Variants in OLFM1 observed in about 807,000 individuals in gnomAD.
OLFM1 encodes the protein noelin.
A neutral mutation model predicts 49.7 loss-of-function variants in OLFM1; 9 were observed. That is an observed-to-expected ratio of 0.18 (90% CI 0.11 to 0.32). The LOEUF is 0.32. Ranked by LOEUF, OLFM1 falls within the 10% of genes least tolerant of loss-of-function variation. The pLI is 1.00. For synonymous variants in OLFM1, 240 were observed against 271.8 expected, an observed-to-expected ratio of 0.88 and a Z score of 1.15; for missense variants, 369 against 661.8, an observed-to-expected ratio of 0.56 and a Z score of 4.85.
intron 4 of OLFM1, among the ~76,000 whole-genome samples, chr9:135,100,434 G>A (rs1290161596): frequency 1.3e-5 from 2 of 152,208 alleles, no homozygotes; most frequent in Admixed American, 6.5e-5. Flanking sequence ...TAAAGAGAGA[G>A]GGTTAACAGG....
rs1830633797 is a variant in OLFM1, at chr9:135,088,537, G to T, written c.150+398G>T. Among the ~76,000 whole-genome samples the T allele has an allele frequency of 4.6e-5, 7 of 152,234 alleles. 1 individual carries two copies. In the South Asian group the frequency reaches 1.5e-3, roughly 32 times the overall value. On this transcript the variant is annotated intron_variant, in intron 1 of 5. Coordinates refer to ENST00000371793, the MANE Select transcript of OLFM1 (RefSeq NM_001282611.2). This position sits in a 1 kb window ranked among gnomAD's most constrained non-coding sequence, Gnocchi z 4.8. ...CCAAGGTCACACTCAGCGAGTGAGG[G>T]GTGGAGCCGCCGCTAGACCCTAGTC... is the stretch of plus-strand genomic sequence containing the variant.
intron 4 of OLFM1, among the ~76,000 whole-genome samples, chr9:135,104,884 G>A (rs1341007625): frequency 1.3e-5 from 2 of 152,232 alleles, no homozygotes; most frequent in Non-Finnish European, 2.9e-5. Flanking sequence ...GTTGCACTGG[G>A]GTGAAAATCT....
intron 2 of OLFM1, 30 bp downstream of exon 2, chr9:135,090,374 ATGTGTGTGTGTTTGTGTG>A (rs1564269854): frequency 7.4e-7 from 1 of 1,355,418 alleles, no homozygotes; most frequent in Non-Finnish European, 1.0e-6. Context: ...GTGAGTTTGT[ATGTGTGTGTGTTTGTGTG>A]TGTGTGTGTG....
In OLFM1 at chr9:135,119,849, A is replaced by G. The variant is rs1200557132; in HGVS notation, c.1129A>G (p.Ile377Val). The G allele has an allele frequency of 1.9e-6, 3 of 1,613,738 alleles. No homozygotes were observed. The highest frequency in any genetic ancestry group is 2.5e-6 in the Non-Finnish European group (3 of 1,180,028). Residue 377 changes from isoleucine to valine, a missense_variant, in exon 6 of 6, where the codon ATC becomes GTC. Coordinates refer to ENST00000371793, the MANE Select transcript of OLFM1 (RefSeq NM_001282611.2). ...CGCCACCAACCAGAACGCTGGCAAC[A>G]TCGTGGTCAGTAGGCTGGACCCCGT... ...VYATNQNAGN[I>V]VVSRLDPVSL...
At chr9:135,081,871 C>A (rs1007208501) in intron 1 of OLFM1, among the ~76,000 whole-genome samples, 1 of 152,204 alleles carries the variant, frequency 6.6e-6, no homozygotes, top group Non-Finnish European at 1.5e-5. Flanking sequence ...GACACGCCTG[C>A]GGGTCCGGTG....
chr9:135,115,503 G>A (rs575492797), intron 5 of OLFM1, among the ~76,000 whole-genome samples: 42 of 152,364 alleles, frequency 2.8e-4, no homozygotes, highest in Admixed American at 9.8e-4. Flanking sequence ...GGACAGCAGC[G>A]CATCAGGGCT....
chr9:135,100,902 GTAGT>G (rs902635309), intron 4 of OLFM1, among the ~76,000 whole-genome samples: 13 of 145,976 alleles, frequency 8.9e-5, no homozygotes, highest in Admixed American at 5.7e-4. Flanking sequence ...AACTGGATAG[GTAGT>G]TAGATAGATA....
chr9:135,119,119 G>A (rs1251347886), intron 5 of OLFM1, among the ~76,000 whole-genome samples: 1 of 151,228 alleles, frequency 6.6e-6, no homozygotes, highest in South Asian at 2.1e-4. Flanking sequence ...GTGCTCACCG[G>A]GTCTTTGGAG....
chr9:135,115,407 A>C (rs1475488665), intron 5 of OLFM1, among the ~76,000 whole-genome samples: 1 of 152,230 alleles, frequency 6.6e-6, no homozygotes. Context: ...GCAGGGACAG[A>C]GGGTTTGCCC....
In OLFM1 at chr9:135,088,805, C is replaced by T. The variant is rs1830639195; in HGVS notation, c.150+666C>T. Among the ~76,000 whole-genome samples the T allele has an allele frequency of 6.6e-6, 1 of 152,236 alleles. No individual in the cohort carries two copies. The highest frequency in any genetic ancestry group is 1.5e-5 in the Non-Finnish European group (1 of 68,040). On this transcript the variant is annotated intron_variant, in intron 1 of 5. Coordinates refer to ENST00000371793, the MANE Select transcript of OLFM1 (RefSeq NM_001282611.2). The surrounding 1 kb of genome is among the most constrained non-coding windows in gnomAD (Gnocchi z 4.8). ...GCCTGCCCTTGGGCGCTCACCCCCTCGCCTTTGCCTTCGTCTTCTGCGCGC... is the reference window on the plus strand; with the variant it reads ...GCCTGCCCTTGGGCGCTCACCCCCTTGCCTTTGCCTTCGTCTTCTGCGCGC...
chr9:135,104,853 G>A lies in OLFM1; in HGVS notation c.677-1896G>A, dbSNP rs1041375163. Among the ~76,000 whole-genome samples, 5 of 152,238 alleles carry A rather than the reference G, an allele frequency of 3.3e-5. No individual in the cohort carries two copies. In the East Asian group the frequency reaches 7.7e-4, roughly 23 times the overall value. On this transcript the variant is annotated intron_variant, in intron 4 of 5. Transcript: ENST00000371793. Reference sequence around the variant, plus strand: ...CAGGGCCTTAGTGAAGCCGCCCTGAGCTCCACCTCTCCGCCAGCGAGTTGC... The same window carrying A: ...CAGGGCCTTAGTGAAGCCGCCCTGAACTCCACCTCTCCGCCAGCGAGTTGC...
At chr9:135,078,366 G>A (rs1295620499) in intron 1 of OLFM1, among the ~76,000 whole-genome samples, 4 of 152,246 alleles carry the variant, frequency 2.6e-5, no homozygotes, top group African/African-American at 9.6e-5. Flanking sequence ...AGAAACGCCT[G>A]GATCCTACCT....
rs1831180221 is a variant in OLFM1, at chr9:135,121,042, C to T, written c.*864C>T. 2 of 152,368 alleles carry T rather than the reference C, an allele frequency of 1.3e-5. No individual in the cohort carries two copies. Among genetic ancestry groups the T allele is most frequent in the South Asian group, 4.1e-4 (2 of 4,822 alleles). The allele number at this position is 152,368 out of a possible 1,614,324, so 9.4% of individuals were successfully genotyped here. On this transcript the variant is annotated 3_prime_UTR_variant, in exon 6 of 6. Transcript: ENST00000371793. ...GTAACCGCAGATAGGAAGGGCTCGC[C>T]TGGGGAAACTCTGGTTTCCGATGGG... is the stretch of plus-strand genomic sequence containing the variant.
intron 1 of OLFM1, among the ~76,000 whole-genome samples, chr9:135,081,701 C>T (rs9696706): frequency 2.0e-5 from 3 of 152,074 alleles, no homozygotes; most frequent in Admixed American, 6.6e-5. Flanking sequence ...AGGGGCCAGG[C>T]GCACTGGCTC....
intron 2 of OLFM1, among the ~76,000 whole-genome samples, chr9:135,093,127 C>G (rs566583747): frequency 2.4e-4 from 37 of 152,296 alleles, no homozygotes; most frequent in African/African-American, 8.4e-4. Flanking sequence ...GGTACTGAGT[C>G]CCAGGCCCCA....
chr9:135,104,953 TCTTA>T (rs1198922843), intron 4 of OLFM1, among the ~76,000 whole-genome samples: 10 of 152,138 alleles, frequency 6.6e-5, no homozygotes, highest in Non-Finnish European at 1.0e-4. Context: ...CCCCACATCT[TCTTA>T]CTTCTCGTCC....
rs1830833438 is a variant in OLFM1, at chr9:135,098,805, T to C, written c.676+300T>C. On this transcript the variant is annotated intron_variant, in intron 4 of 5. Coordinates refer to ENST00000371793, the MANE Select transcript of OLFM1 (RefSeq NM_001282611.2). The surrounding 1 kb of genome is among the most constrained non-coding windows in gnomAD (Gnocchi z 5.6). Reference sequence around the variant, plus strand: ...TGTGTGTGTGTGTGTGAATCGTATGTGTGTGTGCATTGAAGACACCAGTTT... The same window carrying C: ...TGTGTGTGTGTGTGTGAATCGTATGCGTGTGTGCATTGAAGACACCAGTTT... Among the ~76,000 whole-genome samples, 1 of 152,224 alleles carries C rather than the reference T, an allele frequency of 6.6e-6. No individual in the cohort carries two copies. Among genetic ancestry groups the C allele is most frequent in the Non-Finnish European group, 1.5e-5 (1 of 68,036 alleles).
intron 1 of OLFM1, chr9:135,075,843 C>T (rs761281392): frequency 2.6e-6 from 4 of 1,551,564 alleles, no homozygotes; most frequent in East Asian, 2.4e-5. Flanking sequence ...GCCAGGCGCC[C>T]GGCCCGGCCC....
At chr9:135,109,312 G>A (rs751920235) in intron 5 of OLFM1, among the ~76,000 whole-genome samples, 12 of 152,256 alleles carry the variant, frequency 7.9e-5, no homozygotes, top group African/African-American at 1.7e-4. Flanking sequence ...TTTGCACAGC[G>A]CAGCGAGGGT....
Sources: allele counts gnomAD v4.1 joint callset (sites outside exome capture counted in the v4.1 genomes callset), GRCh38; gene constraint gnomAD v4.1.1; non-coding constraint Gnocchi (gnomAD v3.1); transcripts MANE v1.5; gene names NCBI Gene and HGNC (gene_info 2026-07-23, HGNC 2026-07-21).